Variants in SLC6A18 observed in about 807,000 individuals in gnomAD.
SLC6A18 encodes the protein solute carrier family 6 member 18, also known as inactive sodium-dependent neutral amino acid transporter B(0)AT3.
In SLC6A18, 58 loss-of-function variants were observed where a neutral mutation model predicts 62.9. The observed-to-expected ratio is 0.92, with a 90% CI of 0.75 to 1.15. The LOEUF (loss-of-function observed/expected upper bound fraction) is 1.15. Among genes scored for constraint, SLC6A18 ranks in the 50% most tolerant of loss-of-function variants. SLC6A18 has a pLI of 0.00. For missense variants in SLC6A18, 793 were observed against 836.6 expected (o/e 0.95, Z 0.64); for synonymous variants, 382 against 365.8 (o/e 1.04, Z -0.51).
intron 10 of SLC6A18, 33 bp from the exon 11 acceptor site, chr5:1,244,575 C>T (rs1747165275): frequency 6.4e-7 from 1 of 1,569,782 alleles, no homozygotes; most frequent in Non-Finnish European, 8.7e-7. Flanking sequence ...CTTCCACAGA[C>T]CATGTGAAGC....
chr5:1,230,742 G>T (rs1420590028), intron 1 of SLC6A18, among the ~76,000 whole-genome samples: 1 of 152,210 alleles, frequency 6.6e-6, no homozygotes, highest in Non-Finnish European at 1.5e-5. Flanking sequence ...GCACGGCGGG[G>T]AAGAGTGTGG....
chr5:1,241,733 C>T lies in SLC6A18; in HGVS notation c.975-974C>T, dbSNP rs576439117. Among the ~76,000 whole-genome samples the T allele has an allele frequency of 3.9e-5, 6 of 152,190 alleles. No individual in the cohort carries two copies. Among genetic ancestry groups the T allele is most frequent in the African/African-American group, 1.2e-4 (5 of 41,440 alleles). On this transcript the variant is annotated intron_variant, in intron 7 of 11. Coordinates refer to ENST00000324642, the MANE Select transcript of SLC6A18 (RefSeq NM_182632.3). This position sits in a 1 kb window ranked among gnomAD's most constrained non-coding sequence, Gnocchi z 7.8. Reference sequence around the variant, plus strand: ...GAGCTGGGCTTTGTTCAGCCCCAGCCGGGGACGTGCATGGCGGGCAACTCT... The same window carrying T: ...GAGCTGGGCTTTGTTCAGCCCCAGCTGGGGACGTGCATGGCGGGCAACTCT...
At position 1,246,006 on chromosome 5, in the gene SLC6A18, A is replaced by G. The variant is rs1747211255; in HGVS notation, c.1815A>G (p.Pro605=). The part of the protein sequence containing the change: ...RRTWRDRDAR[P]DTDMRPDTDT... ...CGTGGAGGGACAGGGACGCGCGCCC[A>G]GACACGGACATGCGCCCGGACACGG... The change falls in exon 12 of 12, where the codon CCA becomes CCG. Residue 605 remains proline (P), a synonymous_variant. Coordinates refer to ENST00000324642, the MANE Select transcript of SLC6A18 (RefSeq NM_182632.3). The G allele has an allele frequency of 1.3e-6, 2 of 1,596,204 alleles. No individual in the cohort carries two copies. Among genetic ancestry groups the G allele is most frequent in the Middle Eastern group, 1.7e-4 (1 of 6,044 alleles).
intron 6 of SLC6A18, 23 bp from the exon 7 acceptor site, chr5:1,240,508 G>A (rs757849118): frequency 3.9e-5 from 63 of 1,613,624 alleles, no homozygotes; most frequent in African/African-American, 1.5e-4. Flanking sequence ...CAAAGCCTGT[G>A]ATGAGCGTGC....
intron 3 of SLC6A18, among the ~76,000 whole-genome samples, chr5:1,233,777 T>A (rs1746801309): frequency 1.4e-5 from 2 of 141,796 alleles, no homozygotes; most frequent in Admixed American, 7.0e-5. Context: ...AGTCTTGCTC[T>A]GTCGCCCAGG....
chr5:1,243,680 C>T lies in SLC6A18; in HGVS notation c.1257C>T (p.Phe419=), dbSNP rs757382342. 18 of 1,613,882 alleles carry T rather than the reference C, an allele frequency of 1.1e-5. No individual in the cohort carries two copies. The highest frequency in any genetic ancestry group is 8.9e-5 in the East Asian group (4 of 44,880). The change falls in exon 9 of 12, where the codon TTC becomes TTT. Residue 419 remains phenylalanine (F), a synonymous_variant. Coordinates refer to ENST00000324642, the MANE Select transcript of SLC6A18 (RefSeq NM_182632.3). This position sits in a 1 kb window ranked among gnomAD's most constrained non-coding sequence, Gnocchi z 6.5. ...MLFTLGLSTM[F]GTVEAVITPL... ...TCACCTTGGGGCTATCGACCATGTT[C>T]GGGACCGTGGAGGCGGTCATCACAC... is the stretch of plus-strand genomic sequence containing the variant.
chr5:1,243,049 TG>T lies in SLC6A18; in HGVS notation c.1131+191del, dbSNP rs1747107178. ...AGGCCTCCTGGAAAGCCCGAAGTCC[TG>T]GGGGCAGCTGTGTCCAGCAGACGCT... is the stretch of plus-strand genomic sequence containing the variant. On this transcript the variant is annotated intron_variant, in intron 8 of 11. Transcript: ENST00000324642. This position sits in a 1 kb window ranked among gnomAD's most constrained non-coding sequence, Gnocchi z 6.5. Among the ~76,000 whole-genome samples, 1 of 152,188 alleles carries T rather than the reference TG, an allele frequency of 6.6e-6. No individual in the cohort carries two copies. Among genetic ancestry groups the T allele is most frequent in the Non-Finnish European group, 1.5e-5 (1 of 68,028 alleles).
intron 3 of SLC6A18, among the ~76,000 whole-genome samples, chr5:1,233,886 C>T (rs375027137): frequency 0.015 from 2,304 of 152,132 alleles, 53 homozygotes; most frequent in African/African-American, 0.051. Flanking sequence ...GGACTACAGG[C>T]GCCTGCCACC....
At chr5:1,239,949 G>C (rs1049322401) in intron 6 of SLC6A18, among the ~76,000 whole-genome samples, 4 of 152,230 alleles carry the variant, frequency 2.6e-5, no homozygotes, top group Non-Finnish European at 5.9e-5. Context: ...GGATCATAAA[G>C]TGCATAGCCC....
chr5:1,233,943 A>C (rs113612501), intron 3 of SLC6A18, among the ~76,000 whole-genome samples: 1 of 151,894 alleles, frequency 6.6e-6, no homozygotes, highest in South Asian at 2.1e-4. Flanking sequence ...GGGTTTCACC[A>C]TGTTAGCCAG....
In SLC6A18 at chr5:1,237,370, C is replaced by T. The variant is rs73034544; in HGVS notation, c.622-580C>T. 5.0e-3 allele frequency among the ~76,000 whole-genome samples: 763 copies of T among 151,784 alleles called. 4 individuals are homozygous for T. The highest frequency in any genetic ancestry group is 0.018 in the African/African-American group (725 of 41,340). On this transcript the variant is annotated intron_variant, in intron 4 of 11. Coordinates refer to ENST00000324642, the MANE Select transcript of SLC6A18 (RefSeq NM_182632.3). ...TCCATGTGGATGTCTAGTGTGTAGA[C>T]CCTTGTCTACAGCTGATGAGAAGTG...
At chr5:1,233,886 C>G (rs375027137) in intron 3 of SLC6A18, among the ~76,000 whole-genome samples, 2 of 152,026 alleles carry the variant, frequency 1.3e-5, no homozygotes, top group Non-Finnish European at 2.9e-5. Flanking sequence ...GGACTACAGG[C>G]GCCTGCCACC....
rs140475239 is a variant in SLC6A18, at chr5:1,232,245, G to A, written c.187G>A (p.Ala63Thr). ...GGCCTTCCTCATCCCCTACGTCATCGCGCTGGTCTTCGAGGGGATCCCCAT... is the reference window on the plus strand; with the variant it reads ...GGCCTTCCTCATCCCCTACGTCATCACGCTGGTCTTCGAGGGGATCCCCAT... Reference protein sequence around the residue: ...GGAFLIPYVIALVFEGIPIFH... With the variant: ...GGAFLIPYVITLVFEGIPIFH... The change falls in exon 2 of 12, where the codon GCG becomes ACG. Residue 63 changes from alanine (A) to threonine (T), a missense_variant. Ala to Thr is a moderately conservative substitution (Grantham distance 58, BLOSUM62 0). Coordinates refer to ENST00000324642, the MANE Select transcript of SLC6A18 (RefSeq NM_182632.3). 21 of 1,612,716 alleles carry A rather than the reference G, an allele frequency of 1.3e-5. No individual in the cohort carries two copies. Among genetic ancestry groups the A allele is most frequent in the Middle Eastern group, 1.7e-4 (1 of 5,906 alleles).
intron 2 of SLC6A18, 35 bp from the exon 3 acceptor site, chr5:1,232,715 AG>A: frequency 1.3e-6 from 2 of 1,568,614 alleles, no homozygotes; most frequent in Non-Finnish European, 1.7e-6. Context: ...GCTGGGAAGG[AG>A]CCCCGGGGCC....
At chr5:1,229,794 T>G (rs553580320) in intron 1 of SLC6A18, among the ~76,000 whole-genome samples, 38 of 116,784 alleles carry the variant, frequency 3.3e-4, no homozygotes, top group African/African-American at 1.2e-3. Flanking sequence ...TGGGGGGAAG[T>G]GATGTTTTCA....
Position 1,242,727 on chromosome 5 carries a change from A to G in SLC6A18, c.995A>G (p.Asn332Ser). The change falls in exon 8 of 12, where the codon AAC (asparagine) becomes AGC (serine). Residue 332 changes from asparagine (N) to serine (S), a missense_variant. Physicochemically the swap from Asn to Ser is conservative, Grantham distance 46 (BLOSUM62 1). Coordinates refer to ENST00000324642, the MANE Select transcript of SLC6A18 (RefSeq NM_182632.3). ...CLDRNILSLI[N>S]DFDFPEQSIS... ...CGCAGAAACATCCTCAGCCTCATCAACGACTTTGACTTCCCAGAGCAGAGC... is the reference window on the plus strand; with the variant it reads ...CGCAGAAACATCCTCAGCCTCATCAGCGACTTTGACTTCCCAGAGCAGAGC... 6.2e-7 allele frequency: 1 copy of G among 1,611,822 alleles called. No individual in the cohort carries two copies. The highest frequency in any genetic ancestry group is 8.5e-7 in the Non-Finnish European group (1 of 1,178,610).
intron 7 of SLC6A18, among the ~76,000 whole-genome samples, chr5:1,240,867 A>C (rs1747037645): frequency 6.6e-6 from 1 of 152,210 alleles, no homozygotes; most frequent in Non-Finnish European, 1.5e-5. Context: ...AGATGTAATT[A>C]AGTAGGATCG....
chr5:1,245,919 G>T lies in SLC6A18; in HGVS notation c.1728G>T (p.Leu576Phe). The T allele has an allele frequency of 6.2e-7, 1 of 1,606,060 alleles. No individual in the cohort carries two copies. The change falls in exon 12 of 12, where the codon TTG becomes TTT. Residue 576 changes from leucine (L) to phenylalanine (F), a missense_variant. Transcript: ENST00000324642. ...WARAACVLLS[L>F]LPVLWVPVAA... ...GCGCCGCCTGTGTGCTGCTGTCCTTGCTGCCCGTGCTGTGGGTCCCGGTGG... is the reference window on the plus strand; with the variant it reads ...GCGCCGCCTGTGTGCTGCTGTCCTTTCTGCCCGTGCTGTGGGTCCCGGTGG...
chr5:1,244,582 A>G, intron 10 of SLC6A18, 26 bp from the exon 11 acceptor site: 2 of 1,574,426 alleles, frequency 1.3e-6, no homozygotes, highest in Non-Finnish European at 1.7e-6. Context: ...AGACCATGTG[A>G]AGCCTGAGCC....
Sources: allele counts gnomAD v4.1 joint callset (sites outside exome capture counted in the v4.1 genomes callset), GRCh38; gene constraint gnomAD v4.1.1; non-coding constraint Gnocchi (gnomAD v3.1); transcripts MANE v1.5; gene names NCBI Gene and HGNC (gene_info 2026-07-23, HGNC 2026-07-21).